Variants in NELL1 observed in about 807,000 individuals in gnomAD.
NELL1 encodes the protein protein kinase C-binding protein NELL1.
In NELL1, 76 loss-of-function variants were observed where a neutral mutation model predicts 107.4. That is an observed-to-expected ratio of 0.71 (90% confidence interval 0.59 to 0.86). The LOEUF (loss-of-function observed/expected upper bound fraction) is 0.86, where lower values mean the gene tolerates loss of function less well. NELL1 is among the 40% of genes least tolerant of loss of function. NELL1 has a pLI of 0.00. For synonymous variants in NELL1, 353 were observed against 341.2 expected (o/e 1.03, Z -0.38); for missense variants, 1,024 against 1,005.5 (o/e 1.02, Z -0.25).
intron 2 of NELL1, among the ~76,000 whole-genome samples, chr11:20,756,800 A>AG (rs981573452): frequency 1.3e-5 from 2 of 152,008 alleles, no homozygotes; most frequent in African/African-American, 4.8e-5. Context: ...TCCCTGAGAG[A>AG]GGGGGGAAAT....
At chr11:21,555,080 GC>G (rs537330019) in intron 16 of NELL1, among the ~76,000 whole-genome samples, 183 of 151,978 alleles carry the variant, frequency 1.2e-3, no homozygotes, top group African/African-American at 3.9e-3. Context: ...GCCATATCTG[GC>G]TTCTTTGCCC....
chr11:20,908,135 A>G (rs1850045401), intron 5 of NELL1, among the ~76,000 whole-genome samples: 2 of 152,192 alleles, frequency 1.3e-5, no homozygotes, highest in South Asian at 4.1e-4. Flanking sequence ...ATTGTGGAAG[A>G]CAGTATGGCA....
intron 12 of NELL1, among the ~76,000 whole-genome samples, chr11:21,109,287 T>C (rs1855049421): frequency 6.6e-6 from 1 of 152,150 alleles, no homozygotes; most frequent in Admixed American, 6.5e-5. Context: ...GTACGTACTA[T>C]TAGACTCTTA....
intron 12 of NELL1, among the ~76,000 whole-genome samples, chr11:21,104,002 G>T (rs1209906947): frequency 6.6e-6 from 1 of 152,140 alleles, no homozygotes; most frequent in South Asian, 2.1e-4. Flanking sequence ...ATAGCATTTG[G>T]TAGCCTCTCA....
intron 12 of NELL1, among the ~76,000 whole-genome samples, chr11:21,020,412 G>A (rs1852670274): frequency 6.6e-6 from 1 of 152,072 alleles, no homozygotes; most frequent in Admixed American, 6.6e-5. Context: ...AGTCCAACGA[G>A]TGTAATAGAA....
intron 15 of NELL1, among the ~76,000 whole-genome samples, chr11:21,480,281 ATTC>A (rs779572809): frequency 2.6e-5 from 4 of 152,138 alleles, no homozygotes; most frequent in Non-Finnish European, 4.4e-5. Flanking sequence ...TTTTGTTTTC[ATTC>A]TTATTAAATT....
intron 12 of NELL1, among the ~76,000 whole-genome samples, chr11:21,110,761 T>C (rs955792067): frequency 3.9e-5 from 6 of 152,094 alleles, no homozygotes; most frequent in African/African-American, 1.4e-4. Context: ...TGTATCTCTG[T>C]GAGTAAAATA....
At chr11:20,860,311 T>C (rs1369588832) in intron 4 of NELL1, among the ~76,000 whole-genome samples, 1 of 152,202 alleles carries the variant, frequency 6.6e-6, no homozygotes, top group Non-Finnish European at 1.5e-5. Context: ...GAGCTCACCA[T>C]TGTTTCACAA....
intron 13 of NELL1, among the ~76,000 whole-genome samples, chr11:21,208,454 C>T (rs1791857): frequency 0.99 from 149,046 of 150,064 alleles, 74,024 homozygotes; most frequent in Middle Eastern, 1. Context: ...ATATTTAATA[C>T]ATAATTTATA....
At chr11:20,705,408 A>G (rs887222203) in intron 2 of NELL1, among the ~76,000 whole-genome samples, 2 of 151,920 alleles carry the variant, frequency 1.3e-5, no homozygotes, top group African/African-American at 4.8e-5. Flanking sequence ...AAAACAAGCG[A>G]TGGGGAAAGG....
At chr11:20,795,327 T>A (rs1390672295) in intron 3 of NELL1, among the ~76,000 whole-genome samples, 1 of 152,238 alleles carries the variant, frequency 6.6e-6, no homozygotes. Context: ...CTGGAGGTAG[T>A]AATTGAAATA....
chr11:21,357,416 AT>A (rs1232607230), intron 14 of NELL1, among the ~76,000 whole-genome samples: 1 of 152,100 alleles, frequency 6.6e-6, no homozygotes, highest in Non-Finnish European at 1.5e-5. Flanking sequence ...GATGTTGAGA[AT>A]TTTTTTGTAT....
intron 12 of NELL1, among the ~76,000 whole-genome samples, chr11:21,031,839 A>G (rs1032704856): frequency 2.4e-4 from 36 of 152,096 alleles, no homozygotes; most frequent in African/African-American, 8.4e-4. Context: ...ACCTGAGGTC[A>G]GGAGTGCGAG....
intron 15 of NELL1, among the ~76,000 whole-genome samples, chr11:21,468,989 T>TG (rs1175233506): frequency 7.7e-6 from 1 of 129,246 alleles, no homozygotes; most frequent in Non-Finnish European, 1.8e-5. Flanking sequence ...AAATTCTGGG[T>TG]GTTTTTTTTG....
chr11:21,238,375 T>C (rs906870494), intron 14 of NELL1, among the ~76,000 whole-genome samples: 3 of 152,056 alleles, frequency 2.0e-5, no homozygotes, highest in African/African-American at 7.2e-5. Flanking sequence ...GTGGATTTGA[T>C]GGTGCAAAGA....
At chr11:21,039,726 T>G (rs909465506) in intron 12 of NELL1, among the ~76,000 whole-genome samples, 1 of 152,088 alleles carries the variant, frequency 6.6e-6, no homozygotes, top group Non-Finnish European at 1.5e-5. Flanking sequence ...CTTTATTGAG[T>G]CCCCATTTAG....
intron 2 of NELL1, among the ~76,000 whole-genome samples, chr11:20,772,726 G>A (rs1387394411): frequency 1.3e-5 from 2 of 152,154 alleles, no homozygotes; most frequent in Non-Finnish European, 2.9e-5. Flanking sequence ...TCTTACAGCA[G>A]GTACTTGGCA....
intron 15 of NELL1, among the ~76,000 whole-genome samples, chr11:21,529,982 A>G (rs1455029576): frequency 3.3e-5 from 5 of 152,112 alleles, no homozygotes; most frequent in African/African-American, 1.2e-4. Flanking sequence ...ACAACAGTTT[A>G]TTTTTCTTTT....
chr11:21,425,268 T>C (rs1010253977), intron 15 of NELL1, among the ~76,000 whole-genome samples: 1 of 148,144 alleles, frequency 6.8e-6, no homozygotes, highest in Non-Finnish European at 1.5e-5. Context: ...CATATAGAAT[T>C]TCAAGGTACT....
Sources: allele counts gnomAD v4.1 joint callset (sites outside exome capture counted in the v4.1 genomes callset), GRCh38; gene constraint gnomAD v4.1.1; transcripts MANE v1.5; gene names NCBI Gene and HGNC (gene_info 2026-07-23, HGNC 2026-07-21).